Variants in ZNF438 observed in about 807,000 individuals in gnomAD.
The protein encoded by ZNF438 is zinc finger protein 438.
ZNF438 carries 25 observed loss-of-function variants against 38.0 expected under a neutral mutation model. The ratio of observed to expected loss-of-function variants is 0.66; its 90% CI spans 0.48 to 0.92. The LOEUF is 0.92. Ranked by LOEUF, ZNF438 falls within the 40% of genes least tolerant of loss-of-function variation. The pLI, the probability that ZNF438 is intolerant of heterozygous loss-of-function variation, is 0.00. For synonymous variants in ZNF438, 372 were observed against 364.1 expected, an observed-to-expected ratio of 1.02 and a Z score of -0.25; for missense variants, 1,007 against 999.6, an observed-to-expected ratio of 1.01 and a Z score of -0.10.
intron 2 of ZNF438, among the ~76,000 whole-genome samples, chr10:30,912,482 A>T (rs370913004): frequency 2.6e-5 from 4 of 152,096 alleles, no homozygotes; most frequent in African/African-American, 9.7e-5. Flanking sequence ...TCTCCCTAGG[A>T]TATCTCATCC....
chr10:30,948,925 A>G (rs1372996952), intron 1 of ZNF438, among the ~76,000 whole-genome samples: 1 of 152,110 alleles, frequency 6.6e-6, no homozygotes, highest in African/African-American at 2.4e-5. Flanking sequence ...CCTCAAGAAG[A>G]GCAACTCCAA....
At chr10:30,862,722 A>T (rs1245312465) in intron 4 of ZNF438, among the ~76,000 whole-genome samples, 1 of 152,246 alleles carries the variant, frequency 6.6e-6, no homozygotes, top group Non-Finnish European at 1.5e-5. Flanking sequence ...AGGTTTCAAC[A>T]TCAGAATGTG....
At chr10:30,850,030 T>G (rs965344955) in exon 5 of ZNF438, 1 of 1,613,882 alleles carries the variant, frequency 6.2e-7, no homozygotes, top group African/African-American at 1.3e-5. Context: ...TTCTAGGGGG[T>G]TGATATCTAG....
At chr10:30,957,695 C>T (rs2049017543) in intron 1 of ZNF438, among the ~76,000 whole-genome samples, 2 of 152,138 alleles carry the variant, frequency 1.3e-5, no homozygotes, top group South Asian at 4.1e-4. Flanking sequence ...CTATTCTGTA[C>T]CACTGTCCTA....
chr10:30,976,955 G>A (rs2051432956), intron 1 of ZNF438, among the ~76,000 whole-genome samples: 1 of 152,036 alleles, frequency 6.6e-6, no homozygotes, highest in African/African-American at 2.4e-5. Flanking sequence ...CAACATAATA[G>A]GTATTTAGGT....
chr10:31,022,082 C>G (rs773331789), intron 1 of ZNF438, among the ~76,000 whole-genome samples: 6 of 152,166 alleles, frequency 3.9e-5, no homozygotes, highest in Non-Finnish European at 8.8e-5. Context: ...TGAACCATTT[C>G]TCAATCGGAT....
intron 4 of ZNF438, among the ~76,000 whole-genome samples, chr10:30,857,188 T>C (rs1164314193): frequency 1.3e-5 from 2 of 152,098 alleles, no homozygotes; most frequent in African/African-American, 4.8e-5. Flanking sequence ...CAAAATATAA[T>C]ACCATATCTA....
At chr10:30,991,751 C>G (rs188120971) in intron 1 of ZNF438, among the ~76,000 whole-genome samples, 1 of 152,288 alleles carries the variant, frequency 6.6e-6, no homozygotes, top group East Asian at 1.9e-4. Context: ...GAAAAAGAGA[C>G]AGCCAGCTCA....
At chr10:30,885,434 T>C (rs1263890905) in intron 3 of ZNF438, among the ~76,000 whole-genome samples, 2 of 152,242 alleles carry the variant, frequency 1.3e-5, no homozygotes, top group Non-Finnish European at 2.9e-5. Flanking sequence ...GATTGTATTC[T>C]ACACTGTAGC....
intron 1 of ZNF438, among the ~76,000 whole-genome samples, chr10:30,978,140 C>T (rs985175463): frequency 6.6e-6 from 1 of 152,188 alleles, no homozygotes; most frequent in African/African-American, 2.4e-5. Flanking sequence ...TATCTGGCTG[C>T]TTCTTAGTGT....
In ZNF438 at chr10:30,888,908, T is replaced by A. The variant is rs2040318815; in HGVS notation, c.-31-11843A>T. Among the ~76,000 whole-genome samples, 3 of 152,210 alleles carry A rather than the reference T, an allele frequency of 2.0e-5. No individual in the cohort carries two copies. The South Asian group carries it at 6.2e-4, about 32-fold the overall frequency. Reference sequence around the variant, plus strand: ...TATACCCAGTGATGGGATTGCTGGATCCAATTGTAGTTCTATTTTTAGGTC... The same window carrying A: ...TATACCCAGTGATGGGATTGCTGGAACCAATTGTAGTTCTATTTTTAGGTC... On this transcript the variant is annotated intron_variant, in intron 3 of 5. Coordinates refer to ENST00000413025, the Ensembl canonical transcript of ZNF438.
chr10:30,992,899 T>C (rs529601316), intron 1 of ZNF438, among the ~76,000 whole-genome samples: 2 of 152,084 alleles, frequency 1.3e-5, no homozygotes, highest in South Asian at 4.2e-4. Context: ...GCCCTAGGGG[T>C]TTGTGGAATG....
Position 30,848,421 on chromosome 10 carries a change from C to A in ZNF438, c.1874+110G>T, listed in dbSNP as rs1217004736. The A allele has an allele frequency of 6.8e-6, 9 of 1,314,094 alleles. No homozygotes were observed. In the South Asian group the frequency reaches 1.0e-4, roughly 15 times the overall value. The allele number at this position is 1,314,094 out of a possible 1,614,324, so 81.4% of individuals were successfully genotyped here. A position where few individuals can be genotyped will look rare whatever the true frequency, so the allele number is the denominator to read the frequency against. On this transcript the variant is annotated intron_variant, in intron 5 of 5. Coordinates refer to ENST00000413025, the Ensembl canonical transcript of ZNF438. Reference sequence around the variant, plus strand: ...GGTATACATAGCTACTTTATGAAATCTTAATCCTAGAGATGTTTTATAAAC... The same window carrying A: ...GGTATACATAGCTACTTTATGAAATATTAATCCTAGAGATGTTTTATAAAC...
chr10:30,936,835 T>G (rs1246651063), intron 2 of ZNF438, among the ~76,000 whole-genome samples: 1 of 152,212 alleles, frequency 6.6e-6, no homozygotes, highest in Non-Finnish European at 1.5e-5. Context: ...GAGCTTTTTT[T>G]TAAAAGGAGG....
At chr10:30,949,811 C>A (rs2047940546) in intron 1 of ZNF438, among the ~76,000 whole-genome samples, 1 of 151,610 alleles carries the variant, frequency 6.6e-6, no homozygotes. Flanking sequence ...GACTTTAACA[C>A]CCCACTGTCA....
chr10:30,955,286 T>C (rs2048737027), intron 1 of ZNF438, among the ~76,000 whole-genome samples: 1 of 152,184 alleles, frequency 6.6e-6, no homozygotes, highest in African/African-American at 2.4e-5. Context: ...GACCAGATAG[T>C]GGACTGTGGT....
intron 3 of ZNF438, among the ~76,000 whole-genome samples, chr10:30,885,818 T>C (rs960556464): frequency 3.3e-5 from 5 of 152,050 alleles, no homozygotes; most frequent in South Asian, 4.2e-4. Flanking sequence ...GACAAAGTAA[T>C]AGGGAAAAGT....
At chr10:30,932,714 C>A (rs1198772468) in intron 2 of ZNF438, among the ~76,000 whole-genome samples, 1 of 152,160 alleles carries the variant, frequency 6.6e-6, no homozygotes, top group African/African-American at 2.4e-5. Context: ...GAAGTCCTAA[C>A]CCCCAGTACC....
chr10:30,888,811 T>A (rs1223138219), intron 3 of ZNF438, among the ~76,000 whole-genome samples: 1 of 152,236 alleles, frequency 6.6e-6, no homozygotes, highest in Non-Finnish European at 1.5e-5. Context: ...TCTTTGCTAT[T>A]GTGAATAGTG....
Sources: allele counts gnomAD v4.1 joint callset (sites outside exome capture counted in the v4.1 genomes callset), GRCh38; gene constraint gnomAD v4.1.1; transcripts MANE v1.5; gene names NCBI Gene and HGNC (gene_info 2026-07-23, HGNC 2026-07-21).